Variants in TBC1D5 observed in about 807,000 individuals in gnomAD.
TBC1D5 encodes TBC1 domain family, member 5.
TBC1D5 carries 75 observed loss-of-function variants against 100.3 expected under a neutral mutation model. That is an observed-to-expected ratio of 0.75 (90% CI 0.62 to 0.91). The LOEUF (loss-of-function observed/expected upper bound fraction) is 0.91. Among genes scored for constraint, TBC1D5 ranks in the 40% least tolerant of loss-of-function variants. The pLI is 0.00. For synonymous variants in TBC1D5, 323 were observed against 325.6 expected (o/e 0.99, Z 0.09); for missense variants, 910 against 942.4 (o/e 0.97, Z 0.45).
chr3:17,532,992 T>TAAAA (rs530910585), intron 2 of TBC1D5, among the ~76,000 whole-genome samples: 1 of 140,836 alleles, frequency 7.1e-6, no homozygotes, highest in African/African-American at 2.6e-5. Context: ...ATAATAAAAT[T>TAAAA]AAAAAAAAAA....
intron 4 of TBC1D5, among the ~76,000 whole-genome samples, chr3:17,410,060 C>T (rs1426340627): frequency 6.6e-6 from 1 of 152,106 alleles, no homozygotes. Flanking sequence ...AAGGCAAGGC[C>T]TGGTTTCAGA....
chr3:17,688,864 T>C (rs2070699359), intron 1 of TBC1D5, among the ~76,000 whole-genome samples: 2 of 152,330 alleles, frequency 1.3e-5, no homozygotes, highest in African/African-American at 4.8e-5. Context: ...TCTACCCTAC[T>C]GTACATTTTT....
chr3:17,251,208 TA>T (rs1437201210), intron 16 of TBC1D5, among the ~76,000 whole-genome samples: 1 of 148,050 alleles, frequency 6.8e-6, no homozygotes, highest in Admixed American at 6.8e-5. Context: ...TTATCTGTGG[TA>T]AAAAAAAAAC....
intron 17 of TBC1D5, 32 bp from the exon 18 acceptor site, chr3:17,233,782 C>T: frequency 7.1e-7 from 1 of 1,402,604 alleles, no homozygotes; most frequent in Non-Finnish European, 9.8e-7. Flanking sequence ...AATTAGATTT[C>T]ATAAAAAGGA....
At position 17,279,620 on chromosome 3, in the gene TBC1D5, T is replaced by G. The variant is rs1055621820; in HGVS notation, c.1245+12275A>C. Reference sequence around the variant, plus strand: ...GTCACTGTGCATGTACATACTCCACTTACTGGTTTAGAGTCTAGGCTTCTG... The same window carrying G: ...GTCACTGTGCATGTACATACTCCACGTACTGGTTTAGAGTCTAGGCTTCTG... On this transcript the variant is annotated intron_variant, in intron 15 of 21. Transcript: ENST00000253692. 4.6e-5 allele frequency among the ~76,000 whole-genome samples: 7 copies of G among 152,358 alleles called. No individual in the cohort carries two copies. In the South Asian group the frequency reaches 1.0e-3, roughly 23 times the overall value.
intron 2 of TBC1D5, among the ~76,000 whole-genome samples, chr3:17,540,679 C>T (rs573972646): frequency 4.6e-5 from 7 of 151,862 alleles, no homozygotes; most frequent in South Asian, 2.1e-4. Context: ...GAGGCCGAGG[C>T]GGGCAGATCA....
intron 15 of TBC1D5, among the ~76,000 whole-genome samples, chr3:17,270,685 T>C (rs2079318000): frequency 1.3e-5 from 2 of 152,302 alleles, no homozygotes; most frequent in Non-Finnish European, 1.5e-5. Flanking sequence ...ATAAATTATC[T>C]GCCAAGGCTG....
At chr3:17,173,792 GC>G (rs1421489220) in intron 19 of TBC1D5, among the ~76,000 whole-genome samples, 1 of 152,178 alleles carries the variant, frequency 6.6e-6, no homozygotes, top group Non-Finnish European at 1.5e-5. Context: ...GAGGAACTAT[GC>G]ATGCTGTTAT....
chr3:17,420,562 C>T (rs1157978711), intron 4 of TBC1D5, among the ~76,000 whole-genome samples: 1 of 152,096 alleles, frequency 6.6e-6, no homozygotes, highest in African/African-American at 2.4e-5. Flanking sequence ...TAACTATCCA[C>T]TTATGAACCT....
chr3:17,564,960 A>G (rs1276058794), intron 2 of TBC1D5, among the ~76,000 whole-genome samples: 2 of 152,066 alleles, frequency 1.3e-5, no homozygotes, highest in Non-Finnish European at 1.5e-5. Flanking sequence ...ATATTAGAAA[A>G]AAATGAAAGT....
At chr3:17,437,230 T>C (rs375568167) in intron 3 of TBC1D5, among the ~76,000 whole-genome samples, 1 of 152,138 alleles carries the variant, frequency 6.6e-6, no homozygotes, top group Non-Finnish European at 1.5e-5. Context: ...GCTCCATAAC[T>C]GTGAGAAATA....
chr3:17,381,187 A>T (rs10510475), intron 9 of TBC1D5, among the ~76,000 whole-genome samples: 74,788 of 151,806 alleles, frequency 0.49, 19,899 homozygotes, highest in African/African-American at 0.67. Context: ...CATATTCCTG[A>T]GTAGTCTTCT....
At chr3:17,297,670 C>T (rs2082395256) in intron 14 of TBC1D5, among the ~76,000 whole-genome samples, 2 of 152,058 alleles carry the variant, frequency 1.3e-5, no homozygotes, top group African/African-American at 2.4e-5. Flanking sequence ...GAAGCCTTGA[C>T]CTCCTGGGCT....
chr3:17,280,296 G>C (rs2080439101), intron 15 of TBC1D5, among the ~76,000 whole-genome samples: 1 of 152,132 alleles, frequency 6.6e-6, no homozygotes, highest in Admixed American at 6.5e-5. Context: ...CCTTTTGATA[G>C]GGACTGGAGG....
At chr3:17,337,497 T>C (rs1254762114) in intron 13 of TBC1D5, 1 of 152,176 alleles carries the variant, frequency 6.6e-6, no homozygotes, top group Admixed American at 6.5e-5. Context: ...AGAGTATGTC[T>C]TAAGAAACTG....
At chr3:17,275,875 C>A (rs2079943573) in intron 15 of TBC1D5, among the ~76,000 whole-genome samples, 1 of 152,160 alleles carries the variant, frequency 6.6e-6, no homozygotes, top group African/African-American at 2.4e-5. Flanking sequence ...TTTCACTAAA[C>A]ATGCCTTCCC....
chr3:17,358,168 C>CT (rs11412361), intron 13 of TBC1D5, among the ~76,000 whole-genome samples: 57,789 of 150,954 alleles, frequency 0.38, 11,525 homozygotes, highest in Middle Eastern at 0.47. Flanking sequence ...ACAATGTTCA[C>CT]TTTTTTTTTG....
chr3:17,580,922 CTCTA>C (rs899621223), intron 2 of TBC1D5, among the ~76,000 whole-genome samples: 105 of 152,288 alleles, frequency 6.9e-4, no homozygotes, highest in African/African-American at 2.4e-3. Flanking sequence ...TTTAAGTCTT[CTCTA>C]TCTATATTTA....
At chr3:17,439,328 A>T (rs1285901955) in intron 3 of TBC1D5, among the ~76,000 whole-genome samples, 1 of 152,198 alleles carries the variant, frequency 6.6e-6, no homozygotes. Flanking sequence ...AGCTGATCCT[A>T]TCTGTGTCTT....
Sources: gnomAD v4.1 joint callset for allele counts (sites outside exome capture counted in the v4.1 genomes callset) on GRCh38, gnomAD v4.1.1 for gene constraint, MANE v1.5 for transcripts, NCBI Gene and HGNC (gene_info 2026-07-23, HGNC 2026-07-21) for gene names.